The following USP19 variants were observed in gnomAD, a reference collection of about 807,000 sequenced individuals.
USP19 encodes the protein ubiquitin carboxyl-terminal hydrolase 19.
USP19 carries 40 observed loss-of-function variants against 144.8 expected under a neutral mutation model. The observed-to-expected ratio is 0.28, with a 90% CI of 0.21 to 0.36. USP19 has a LOEUF of 0.36. Among genes scored for constraint, USP19 ranks in the 10% least tolerant of loss-of-function variants. The pLI is 1.00. For missense variants in USP19, 1,518 were observed against 1,822.5 expected (o/e 0.83, Z 3.04); for synonymous variants, 701 against 709.3 (o/e 0.99, Z 0.19).
chr3:49,112,412 G>A lies in USP19; in HGVS notation c.2647-10C>T, dbSNP rs753731336. ...TGGGCACCTGGGGGCGCTAGGGTGG[G>A]TCGTCTGGCTCAGCAAGACCAGGAA... On this transcript the variant is annotated splice_polypyrimidine_tract_variant and intron_variant, in intron 18 of 26. Transcript: ENST00000417901. This position sits in a 1 kb window ranked among gnomAD's most constrained non-coding sequence, Gnocchi z 4.9. 3 of 1,613,830 alleles carry A rather than the reference G, an allele frequency of 1.9e-6. No individual in the cohort carries two copies. Among genetic ancestry groups the A allele is most frequent in the African/African-American group, 1.3e-5 (1 of 74,876 alleles).
intron 2 of USP19, among the ~76,000 whole-genome samples, chr3:49,118,781 A>G (rs2044633000): frequency 6.6e-6 from 1 of 152,096 alleles, no homozygotes. Context: ...GGTTCAAAAA[A>G]AAGAAAAAAG....
At position 49,114,910 on chromosome 3, in the gene USP19, G is replaced by C; in HGVS notation, c.2182-37C>G. The C allele has an allele frequency of 6.2e-7, 1 of 1,614,126 alleles. No individual in the cohort carries two copies. Among genetic ancestry groups the C allele is most frequent in the Non-Finnish European group, 8.5e-7 (1 of 1,180,010 alleles). ...AGTGGTGAGAACCAAAGAGTACCAG[G>C]GGCTGGGATGCTCATGAGACATGCC... On this transcript the variant is annotated intron_variant, in intron 14 of 26. Coordinates refer to ENST00000417901, the MANE Select transcript of USP19 (RefSeq NM_001199161.2). This position sits in a 1 kb window ranked among gnomAD's most constrained non-coding sequence, Gnocchi z 4.5.
In USP19 at chr3:49,115,920, G is replaced by A; in HGVS notation, c.1496C>T (p.Ala499Val). ...CAGAGGGGTTGGACCTGTCGGCACG[G>A]CAACCTTTGCACCACCCACTGCACC... The part of the protein sequence containing the change: ...ARGAVGGAKV[A>V]VPTGPTPLDS... Residue 499 changes from alanine (A) to valine (V), a missense_variant, in exon 11 of 27, where the codon GCC (alanine) becomes GTC (valine). Transcript: ENST00000417901. This position sits in a 1 kb window ranked among gnomAD's most constrained non-coding sequence, Gnocchi z 6.6. The A allele has an allele frequency of 6.4e-7, 1 of 1,560,250 alleles. No individual in the cohort carries two copies. The highest frequency in any genetic ancestry group is 8.7e-7 in the Non-Finnish European group (1 of 1,154,572).
rs1167562886 is a variant in USP19 at position 49,117,852 on chromosome 3, C to A, written c.299-22G>T. On this transcript the variant is annotated intron_variant, in intron 3 of 26. Coordinates refer to ENST00000417901, the MANE Select transcript of USP19 (RefSeq NM_001199161.2). This position sits in a 1 kb window ranked among gnomAD's most constrained non-coding sequence, Gnocchi z 4.4. ...GCTCCTGATGGTGATAAGCAGGTAA[C>A]AGAGACCCAGCCTAATGAAACTGCT... 1.2e-6 allele frequency: 2 copies of A among 1,613,828 alleles called. No individual in the cohort carries two copies. The highest frequency in any genetic ancestry group is 2.7e-5 in the African/African-American group (2 of 74,916).
chr3:49,120,620 A>C, intron 1 of USP19, 136 bp downstream of exon 1: 1 of 155,372 alleles, frequency 6.4e-6, no homozygotes, highest in Non-Finnish European at 1.4e-5. Flanking sequence ...CCCTGCCGGC[A>C]TCAGTGGGCT....
chr3:49,114,417 C>T lies in USP19; in HGVS notation c.2293-133G>A. The T allele has an allele frequency of 2.6e-6, 2 of 782,534 alleles. No individual in the cohort carries two copies. The highest frequency in any genetic ancestry group is 1.7e-5 in the South Asian group (1 of 57,388). 48.5% of individuals were successfully genotyped at this position (782,534 alleles called of 1,614,324 possible). On this transcript the variant is annotated intron_variant, in intron 15 of 26. Coordinates refer to ENST00000417901, the MANE Select transcript of USP19 (RefSeq NM_001199161.2). The surrounding 1 kb of genome is among the most constrained non-coding windows in gnomAD (Gnocchi z 4.5). ...AGCCAACCAGCAAACTCTCAGGCTT[C>T]AGGACACTAGACAGGGCAGGAGGAC...
In USP19 at chr3:49,117,178, C is replaced by A; in HGVS notation, c.790G>T (p.Ala264Ser). 1 of 1,548,066 alleles carries A rather than the reference C, an allele frequency of 6.5e-7. No individual in the cohort carries two copies. Among genetic ancestry groups the A allele is most frequent in the Non-Finnish European group, 8.7e-7 (1 of 1,146,802 alleles). The change falls in exon 6 of 27, where the codon GCA becomes TCA. Residue 264 changes from alanine (A) to serine (S), a missense_variant. Physicochemically the swap from Ala to Ser is moderately conservative, Grantham distance 99. This residue lies in a region of USP19 where 707 missense variants were observed against 728.9 expected (regional missense o/e 0.97). Transcript: ENST00000417901. The surrounding 1 kb of genome is among the most constrained non-coding windows in gnomAD (Gnocchi z 4.4). ...ACAGCCCTCTTGGCGCTGGGCCCTGCCTGGGCCCCGGGGCCAGCCCCTGCG... is the reference window on the plus strand; with the variant it reads ...ACAGCCCTCTTGGCGCTGGGCCCTGACTGGGCCCCGGGGCCAGCCCCTGCG... ...VGAGAGPGAQ[A>S]GPSAKRAVHL...
In USP19 at chr3:49,117,943, T is replaced by G. The variant is rs760033133; in HGVS notation, c.298+4A>C. On this transcript the variant is annotated splice_donor_region_variant and intron_variant, in intron 3 of 26. Coordinates refer to ENST00000417901, the MANE Select transcript of USP19 (RefSeq NM_001199161.2). This position sits in a 1 kb window ranked among gnomAD's most constrained non-coding sequence, Gnocchi z 4.4. Reference sequence around the variant, plus strand: ...TAGCAACAAAAAGCCCATTCGTTACTGACCCTCTTTGGTCTGCTCCTCTTG... The same window carrying G: ...TAGCAACAAAAAGCCCATTCGTTACGGACCCTCTTTGGTCTGCTCCTCTTG... The G allele has an allele frequency of 6.2e-7, 1 of 1,613,176 alleles. No homozygotes were observed. Among genetic ancestry groups the G allele is most frequent in the East Asian group, 2.2e-5 (1 of 44,874 alleles).
rs199803746 is a variant in USP19 at position 49,112,460 on chromosome 3, G to A, written c.2646+29C>T. 192 of 1,613,762 alleles carry A rather than the reference G, an allele frequency of 1.2e-4. No individual in the cohort carries two copies. In the East Asian group the frequency reaches 1.9e-3, roughly 16 times the overall value. Reference sequence around the variant, plus strand: ...GAAGAAGTGCCCCACCCACCAGGGCGCTGTGCCATCAGGTTGGCCCCCACT... The same window carrying A: ...GAAGAAGTGCCCCACCCACCAGGGCACTGTGCCATCAGGTTGGCCCCCACT... On this transcript the variant is annotated intron_variant, in intron 18 of 26. Coordinates refer to ENST00000417901, the MANE Select transcript of USP19 (RefSeq NM_001199161.2). The surrounding 1 kb of genome is among the most constrained non-coding windows in gnomAD (Gnocchi z 4.9).
Position 49,117,260 on chromosome 3 carries a change from G to A in USP19, c.708C>T (p.His236=), listed in dbSNP as rs1193619190. 21 of 1,565,408 alleles carry A rather than the reference G, an allele frequency of 1.3e-5. No individual in the cohort carries two copies. The highest frequency in any genetic ancestry group is 1.7e-5 in the Non-Finnish European group (20 of 1,155,430). ...PIALEPGPEP[H]RAKQEARNQK... is the part of the protein sequence containing the mutation. The stretch of plus-strand genomic sequence containing the variant: ...GGTTCCGGGCCTCCTGCTTAGCCCG[G>A]TGGGGCTCAGGGCCTGGCTCCAGGG... The change falls in exon 6 of 27, where the codon CAC becomes CAT. Residue 236 remains histidine (H), a synonymous_variant. Transcript: ENST00000417901. This position sits in a 1 kb window ranked among gnomAD's most constrained non-coding sequence, Gnocchi z 4.4.
chr3:49,120,708 GCCT>G (rs2045106111), intron 1 of USP19, 45 bp downstream of exon 1: 1 of 188,266 alleles, frequency 5.3e-6, no homozygotes, highest in Admixed American at 5.8e-5. Flanking sequence ...GCGCGTTGCG[GCCT>G]CCCCGCTGCG....
Position 49,119,004 on chromosome 3 carries a change from T to G in USP19, c.124+18A>C, listed in dbSNP as rs778686397. The G allele has an allele frequency of 6.2e-7, 1 of 1,613,680 alleles. No individual in the cohort carries two copies. Among genetic ancestry groups the G allele is most frequent in the Admixed American group, 1.7e-5 (1 of 59,974 alleles). On this transcript the variant is annotated intron_variant, in intron 2 of 26. Coordinates refer to ENST00000417901, the MANE Select transcript of USP19 (RefSeq NM_001199161.2). The stretch of plus-strand genomic sequence containing the variant: ...GAGGCAGAGAAGGCCACAATTACTC[T>G]GGGAATGCCACTCCCACCTTTCCTA...
In USP19 at chr3:49,110,072, A is replaced by C; in HGVS notation, c.4038+112T>G. On this transcript the variant is annotated intron_variant, in intron 26 of 26. Coordinates refer to ENST00000417901, the MANE Select transcript of USP19 (RefSeq NM_001199161.2). The surrounding 1 kb of genome is among the most constrained non-coding windows in gnomAD (Gnocchi z 6.1). Reference sequence around the variant, plus strand: ...TAAGAGAACTCTGCAATTCTCATGAATCCCAAGGCTCAATGGGCCTGTGGC... The same window carrying C: ...TAAGAGAACTCTGCAATTCTCATGACTCCCAAGGCTCAATGGGCCTGTGGC... The C allele has an allele frequency of 7.7e-7, 1 of 1,290,864 alleles. No homozygotes were observed. The highest frequency in any genetic ancestry group is 1.5e-5 in the African/African-American group (1 of 66,972). The allele number at this position is 1,290,864 out of a possible 1,614,324, so 80.0% of individuals were successfully genotyped here. A position where few individuals can be genotyped will look rare whatever the true frequency, so the allele number is the denominator to read the frequency against.
At position 49,119,041 on chromosome 3, in the gene USP19, C is replaced by T. The variant is rs1179073268; in HGVS notation, c.105G>A (p.Lys35=). Reference sequence around the variant, plus strand: ...TCCCACCTTTCCTAGGATCTCCATCCTTGCTCTCCTGGTTTGCTCGATCCT... The same window carrying T: ...TCCCACCTTTCCTAGGATCTCCATCTTTGCTCTCCTGGTTTGCTCGATCCT... The part of the protein sequence containing the change: ...KQKDRANQES[K]DGDPRKETGS... The change falls in exon 2 of 27, where the codon AAG becomes AAA. Residue 35 remains lysine (K), a synonymous_variant. Coordinates refer to ENST00000417901, the MANE Select transcript of USP19 (RefSeq NM_001199161.2). 6.2e-7 allele frequency: 1 copy of T among 1,614,178 alleles called. No homozygotes were observed. The highest frequency in any genetic ancestry group is 8.5e-7 in the Non-Finnish European group (1 of 1,180,008).
At position 49,115,330 on chromosome 3, in the gene USP19, G is replaced by A. The variant is rs1335332510; in HGVS notation, c.1920C>T (p.Asn640=). 1 of 1,614,204 alleles carries A rather than the reference G, an allele frequency of 6.2e-7. No homozygotes were observed. The highest frequency in any genetic ancestry group is 1.7e-5 in the Admixed American group (1 of 60,028). ...GACGCCCACCAGTCCCTAGTGGGTTGTTGTAGTTGATCTCAGCCTCAAAGG... is the reference window on the plus strand; with the variant it reads ...GACGCCCACCAGTCCCTAGTGGGTTATTGTAGTTGATCTCAGCCTCAAAGG... ...DRSFEAEINY[N]NPLGTGGRLA... The change falls in exon 13 of 27, where the codon AAC becomes AAT. Residue 640 remains asparagine (N), a synonymous_variant. Transcript: ENST00000417901. This position sits in a 1 kb window ranked among gnomAD's most constrained non-coding sequence, Gnocchi z 6.6.
In USP19 at chr3:49,119,951, G is replaced by A. The variant is rs1051289717; in HGVS notation, c.-136-670C>T. 3.9e-5 allele frequency among the ~76,000 whole-genome samples: 6 copies of A among 152,314 alleles called. 1 individual carries two copies. Among genetic ancestry groups the A allele is most frequent in the Admixed American group, 2.6e-4 (4 of 15,294 alleles). On this transcript the variant is annotated intron_variant, in intron 1 of 26. Transcript: ENST00000417901. ...ATCTAGATGTCACGCTACCTCTTCAGCAGCAACCCTGCTCCAGTACTAAGG... is the reference window on the plus strand; with the variant it reads ...ATCTAGATGTCACGCTACCTCTTCAACAGCAACCCTGCTCCAGTACTAAGG...
intron 26 of USP19, chr3:49,109,143 C>A: frequency 6.6e-7 from 1 of 1,516,546 alleles, no homozygotes; most frequent in Non-Finnish European, 8.8e-7. Flanking sequence ...CCCTCAGGCA[C>A]CGGCTCCTCC....
In USP19 at chr3:49,116,846, G is replaced by A; in HGVS notation, c.1007C>T (p.Ala336Val). 1.9e-6 allele frequency: 3 copies of A among 1,614,114 alleles called. No individual in the cohort carries two copies. In the South Asian group the frequency reaches 3.3e-5, roughly 18 times the overall value. Residue 336 changes from alanine to valine, a missense_variant, in exon 7 of 27, where the codon GCA becomes GTA. This residue lies in a region of USP19 where 707 missense variants were observed against 728.9 expected (regional missense o/e 0.97). Coordinates refer to ENST00000417901, the MANE Select transcript of USP19 (RefSeq NM_001199161.2). The surrounding 1 kb of genome is among the most constrained non-coding windows in gnomAD (Gnocchi z 5.0). ...ENLAPLAGEK[A>V]VPPGNDPVSP... ...GACTGGGTCATTCCCGGGAGGCACT[G>A]CTTTCTCTCCTGCCAAAGGGGCTAA...
chr3:49,113,693 G>T (rs2043581861), intron 17 of USP19, among the ~76,000 whole-genome samples: 2 of 152,154 alleles, frequency 1.3e-5, no homozygotes, highest in Non-Finnish European at 2.9e-5. Flanking sequence ...CACATCCCGG[G>T]CTCAAGTGAG....
Sources: allele counts gnomAD v4.1 joint callset (sites outside exome capture counted in the v4.1 genomes callset), GRCh38; gene constraint gnomAD v4.1.1; regional missense constraint gnomAD v4.1.1; non-coding constraint Gnocchi (gnomAD v3.1); transcripts MANE v1.5; gene names NCBI Gene and HGNC (gene_info 2026-07-23, HGNC 2026-07-21).